UMOD: variants seen among roughly 807,000 people sequenced by gnomAD.
UMOD encodes Tamm-Horsfall urinary glycoprotein.
UMOD carries 64 observed loss-of-function variants against 66.0 expected under a neutral mutation model. The observed-to-expected ratio is 0.97, with a 90% CI of 0.79 to 1.19. UMOD has a LOEUF of 1.19. Ranked by LOEUF, UMOD falls within the 50% of genes most tolerant of loss-of-function variation. The pLI is 0.00. For missense variants in UMOD, 764 were observed against 850.9 expected (o/e 0.90, Z 1.27); for synonymous variants, 398 against 352.7 (o/e 1.13, Z -1.44).
upstream of UMOD, among the ~76,000 whole-genome samples, chr16:20,354,011 G>GT (rs60443676): frequency 0.022 from 3,288 of 152,206 alleles, 89 homozygotes; most frequent in African/African-American, 0.064. Context: ...GCGGTGTTTG[G>GT]TTTTTTGTCC....
chr16:20,346,818 T>C (rs1403657733), intron 4 of UMOD, among the ~76,000 whole-genome samples: 2 of 151,968 alleles, frequency 1.3e-5, no homozygotes, highest in African/African-American at 2.4e-5. Context: ...TGTATACATA[T>C]GTAACAAACC....
Position 20,341,045 on chromosome 16 carries a change from C to T in UMOD, c.1577+46G>A, listed in dbSNP as rs758496850. On this transcript the variant is annotated intron_variant, in intron 7 of 10. Coordinates refer to ENST00000396138, the MANE Select transcript of UMOD (RefSeq NM_003361.4). Reference sequence around the variant, plus strand: ...TCCTCCATCCAAGTCCAAAGACCCCCTCTGAATTCTACCCATGAGTTCCCA... The same window carrying T: ...TCCTCCATCCAAGTCCAAAGACCCCTTCTGAATTCTACCCATGAGTTCCCA... 3.5e-5 allele frequency: 56 copies of T among 1,594,116 alleles called. No homozygotes were observed. In the East Asian group the frequency reaches 4.0e-4, roughly 11 times the overall value.
chr16:20,345,004 G>T (rs34356953), intron 5 of UMOD, among the ~76,000 whole-genome samples: 24,454 of 152,144 alleles, frequency 0.16, 2,118 homozygotes, highest in Middle Eastern at 0.2. Flanking sequence ...AAAATGACAT[G>T]AATTATTTCT....
At position 20,337,472 on chromosome 16, in the gene UMOD, A is replaced by G. The variant is rs1354022766; in HGVS notation, c.1578-19T>C. ...TGGGCATCTGGGAGGGTTACACATCATTTAATGTGGTTGGTTAAATAAAGA... is the reference window on the plus strand; with the variant it reads ...TGGGCATCTGGGAGGGTTACACATCGTTTAATGTGGTTGGTTAAATAAAGA... On this transcript the variant is annotated intron_variant, in intron 7 of 10. Transcript: ENST00000396138. 1.9e-6 allele frequency: 3 copies of G among 1,614,166 alleles called. No homozygotes were observed. Among genetic ancestry groups the G allele is most frequent in the South Asian group, 2.2e-5 (2 of 91,078 alleles).
chr16:20,340,833 A>C (rs565272047), intron 7 of UMOD, among the ~76,000 whole-genome samples: 1 of 152,062 alleles, frequency 6.6e-6, no homozygotes, highest in Non-Finnish European at 1.5e-5. Context: ...ATCTCTACTA[A>C]AAATACAAAA....
At chr16:20,350,899 G>A in intron 1 of UMOD, 60 bp from the exon 2 acceptor site, 1 of 1,488,510 alleles carries the variant, frequency 6.7e-7, no homozygotes, top group African/African-American at 1.4e-5. Context: ...ACAGCTGGAA[G>A]GAGTGCTTTG....
At chr16:20,344,342 C>T (rs1965416841) in intron 5 of UMOD, among the ~76,000 whole-genome samples, 170 bp from the exon 6 acceptor site, 2 of 152,240 alleles carry the variant, frequency 1.3e-5, no homozygotes, top group African/African-American at 4.8e-5. Context: ...TTAGCTCACG[C>T]TTGTAATCCC....
chr16:20,354,062 C>T (rs1408217449), upstream of UMOD, among the ~76,000 whole-genome samples: 1 of 152,196 alleles, frequency 6.6e-6, no homozygotes, highest in Non-Finnish European at 1.5e-5. Context: ...CATCTTCATC[C>T]ATGTCCCTAC....
At chr16:20,337,701 T>A (rs1964964867) in intron 7 of UMOD, among the ~76,000 whole-genome samples, 1 of 152,194 alleles carries the variant, frequency 6.6e-6, no homozygotes, top group Non-Finnish European at 1.5e-5. Context: ...ATGCCATAGG[T>A]GCTTTATATA....
chr16:20,347,986 C>A (rs1443211840), intron 4 of UMOD, among the ~76,000 whole-genome samples: 1 of 152,112 alleles, frequency 6.6e-6, no homozygotes, highest in Non-Finnish European at 1.5e-5. Flanking sequence ...AGGCTGGGTG[C>A]GAGGAGGTCC....
rs767217667 is a variant in UMOD at position 20,350,794 on chromosome 16, G to A, written c.-57C>T. On this transcript the variant is annotated 5_prime_UTR_variant, in exon 2 of 11. Transcript: ENST00000396138. The stretch of plus-strand genomic sequence containing the variant: ...GATAGCACCTGCCCAAAGGAAAGAC[G>A]GGTTGGCCCTTTGAATTTTTCTCTC... 8.7e-6 allele frequency: 14 copies of A among 1,610,908 alleles called. No homozygotes were observed. Among genetic ancestry groups the A allele is most frequent in the African/African-American group, 4.0e-5 (3 of 75,006 alleles).
Position 20,349,804 on chromosome 16 carries a change from G to T in UMOD, c.89-592C>A. 1.9e-6 allele frequency: 3 copies of T among 1,549,996 alleles called. No homozygotes were observed. In the South Asian group the frequency reaches 3.6e-5, roughly 18 times the overall value. On this transcript the variant is annotated intron_variant, in intron 2 of 10. Transcript: ENST00000396138. ...CTGGTGAAATCTTCATCAGGACCCT[G>T]CTCAGTGTCGCCTCCTCTCTGCGGA...
chr16:20,334,305 C>T (rs2141625573), intron 10 of UMOD, among the ~76,000 whole-genome samples: 1 of 152,194 alleles, frequency 6.6e-6, no homozygotes, highest in African/African-American at 2.4e-5. Context: ...ATATTCATCA[C>T]CTATTGAATG....
chr16:20,340,614 C>A (rs576901583), intron 7 of UMOD, among the ~76,000 whole-genome samples: 1 of 151,962 alleles, frequency 6.6e-6, no homozygotes, highest in South Asian at 2.1e-4. Flanking sequence ...TGGCTTCACA[C>A]GACCTGCTAA....
Position 20,348,750 on chromosome 16 carries a change from C to T in UMOD, c.551G>A (p.Trp184Ter). 1.3e-6 allele frequency: 2 copies of T among 1,544,430 alleles called. No individual in the cohort carries two copies. The highest frequency in any genetic ancestry group is 8.7e-7 in the Non-Finnish European group (1 of 1,145,970). The stretch of plus-strand genomic sequence containing the variant: ...GCCCTCCCCGTACTCGGTGCTGCGC[C>T]AGTACTCGTCCAGGGTGCGGTGCGC... ...CQAHRTLDEY[W>*]RSTEYGEGYA... Residue 184 changes from tryptophan to a stop codon, truncating the protein, a stop_gained, in exon 3 of 11, where the codon TGG becomes TAG. Transcript: ENST00000396138. LOFTEE classifies it high-confidence loss of function.
chr16:20,337,602 T>C (rs1964958763), intron 7 of UMOD, 149 bp from the exon 8 acceptor site: 2 of 941,162 alleles, frequency 2.1e-6, no homozygotes, highest in South Asian at 3.2e-5. Context: ...TCTCCATCTG[T>C]ACATAAGAAA....
At chr16:20,335,652 G>T (rs756575692) in intron 9 of UMOD, 132 bp from the exon 10 acceptor site, 2 of 841,266 alleles carry the variant, frequency 2.4e-6, no homozygotes, top group Non-Finnish European at 4.0e-6. Context: ...ATCTGATCAT[G>T]TTACTCCCCT....
At position 20,340,341 on chromosome 16, in the gene UMOD, C is replaced by T. The variant is rs575449526; in HGVS notation, c.1577+750G>A. ...GAGCTATGATCAAGTCACTGTATTC[C>T]GGCCTGGGTGACAGAATGAGACCCT... On this transcript the variant is annotated intron_variant, in intron 7 of 10. Coordinates refer to ENST00000396138, the MANE Select transcript of UMOD (RefSeq NM_003361.4). 1.7e-3 allele frequency among the ~76,000 whole-genome samples: 254 copies of T among 151,520 alleles called. 5 individuals carry two copies. The highest frequency in any genetic ancestry group is 3.4e-3 in the Middle Eastern group (1 of 294).
upstream of UMOD, among the ~76,000 whole-genome samples, chr16:20,353,457 C>T (rs1965975264): frequency 6.6e-6 from 1 of 152,128 alleles, no homozygotes; most frequent in Non-Finnish European, 1.5e-5. Context: ...GGTCAATTTC[C>T]TTGTCTATAA....
Sources: gnomAD v4.1 joint callset for allele counts (sites outside exome capture counted in the v4.1 genomes callset) on GRCh38, gnomAD v4.1.1 for gene constraint, MANE v1.5 for transcripts, NCBI Gene and HGNC (gene_info 2026-07-23, HGNC 2026-07-21) for gene names.